Variants in RABL3 observed in about 807,000 individuals in gnomAD.
The protein encoded by RABL3 is rab-like protein 3.
In RABL3, 31 loss-of-function variants were observed where a neutral mutation model predicts 31.8. The observed-to-expected ratio is 0.97, with a 90% CI of 0.73 to 1.31. The LOEUF (loss-of-function observed/expected upper bound fraction) is 1.31, where lower values mean the gene tolerates loss of function less well. Among genes scored for constraint, RABL3 ranks in the 40% most tolerant of loss-of-function variants. The pLI, the probability that RABL3 is intolerant of heterozygous loss-of-function variation, is 0.00. For missense variants in RABL3, 263 were observed against 279.6 expected (o/e 0.94, Z 0.42); for synonymous variants, 97 against 99.9 (o/e 0.97, Z 0.18).
intron 2 of RABL3, among the ~76,000 whole-genome samples, chr3:120,718,641 G>A (rs750388836): frequency 3.9e-5 from 6 of 152,194 alleles, no homozygotes; most frequent in Non-Finnish European, 7.3e-5. Context: ...TGGGGGCAAG[G>A]CCCAAGAATC....
chr3:120,725,880 T>C (rs6782272), intron 2 of RABL3, among the ~76,000 whole-genome samples: 2 of 152,164 alleles, frequency 1.3e-5, no homozygotes, highest in African/African-American at 2.4e-5. Flanking sequence ...CACACCAACA[T>C]GGCACATGTA....
Position 120,687,937 on chromosome 3 carries a change from C to T in RABL3, c.*1886G>A, listed in dbSNP as rs1431897471. On this transcript the variant is annotated 3_prime_UTR_variant, in exon 8 of 8. Transcript: ENST00000273375. ...TCAGCCTCCCAAGTAGCTGGGATTA[C>T]AGGCGCGTGCCACCAGGCCTGGCTA... is the stretch of plus-strand genomic sequence containing the variant. 1 of 152,016 alleles carries T rather than the reference C, an allele frequency of 6.6e-6. No individual in the cohort carries two copies. The highest frequency in any genetic ancestry group is 1.5e-5 in the Non-Finnish European group (1 of 68,004). 9.4% of individuals were successfully genotyped at this position (152,016 alleles called of 1,614,324 possible).
chr3:120,698,449 C>A lies in RABL3; in HGVS notation c.508G>T (p.Asp170Tyr). Residue 170 changes from aspartate (D) to tyrosine (Y), a missense_variant, in exon 5 of 8, where the codon GAT becomes TAT. Physicochemically the swap from Asp to Tyr is radical, Grantham distance 160. Transcript: ENST00000273375. ...AAATTAATTTCTTCTGGATTGAAAT[C>A]CTCAGCCAGGAAAGCAGTCCTAGTT... ...VLTRTAFLAE[D>Y]FNPEEINLDC... 4 of 1,613,630 alleles carry A rather than the reference C, an allele frequency of 2.5e-6. No individual in the cohort carries two copies. The highest frequency in any genetic ancestry group is 3.4e-6 in the Non-Finnish European group (4 of 1,179,850).
chr3:120,709,779 C>T lies in RABL3; in HGVS notation c.268+1G>A. Reference sequence around the variant, plus strand: ...AAGATAGAAATTTAAAAATGTTTTACCATTTACGGAGTTGTAGAATACTGC... The same window carrying T: ...AAGATAGAAATTTAAAAATGTTTTATCATTTACGGAGTTGTAGAATACTGC... On this transcript the variant is annotated splice_donor_variant, in intron 3 of 7. Transcript: ENST00000273375. LOFTEE classifies it high-confidence loss of function. 6.2e-7 allele frequency: 1 copy of T among 1,604,796 alleles called. No homozygotes were observed. Among genetic ancestry groups the T allele is most frequent in the South Asian group, 1.1e-5 (1 of 89,800 alleles).
intron 1 of RABL3, among the ~76,000 whole-genome samples, chr3:120,731,594 A>T (rs1343319459): frequency 6.6e-6 from 1 of 152,226 alleles, no homozygotes; most frequent in Non-Finnish European, 1.5e-5. Context: ...GGAGTCACTC[A>T]TTCATTTAAC....
chr3:120,702,757 C>T (rs1211571755), intron 4 of RABL3, among the ~76,000 whole-genome samples: 8 of 152,040 alleles, frequency 5.3e-5, no homozygotes. Context: ...CAGGGTTTCA[C>T]CATGTTAGCC....
rs552554148 is a variant in RABL3 at position 120,739,162 on chromosome 3, A to C, written c.46+3300T>G. Among the ~76,000 whole-genome samples the C allele has an allele frequency of 2.4e-3, 366 of 152,254 alleles. 3 individuals are homozygous for C. Among genetic ancestry groups the C allele is most frequent in the African/African-American group, 8.0e-3 (334 of 41,552 alleles). ...GGGAGGCTGAGGCAGGCAGATCACG[A>C]GGTCAGGAGTTCGAGACCAGCCTGG... On this transcript the variant is annotated intron_variant, in intron 1 of 7. Transcript: ENST00000273375.
intron 5 of RABL3, among the ~76,000 whole-genome samples, chr3:120,695,242 A>G (rs1708425101): frequency 2.0e-5 from 3 of 152,132 alleles, no homozygotes; most frequent in Admixed American, 1.3e-4. Context: ...CAAGGCTCAC[A>G]CTTTAAATTT....
intron 4 of RABL3, among the ~76,000 whole-genome samples, chr3:120,701,123 C>G (rs1708487589): frequency 1.3e-5 from 2 of 151,942 alleles, no homozygotes; most frequent in Admixed American, 1.3e-4. Flanking sequence ...TCTTTTCTTT[C>G]TTATACAATA....
intron 1 of RABL3, 136 bp downstream of exon 1, chr3:120,742,326 A>C: frequency 1.3e-6 from 1 of 790,886 alleles, no homozygotes. Flanking sequence ...TCCCCTGGGA[A>C]GTGTAGTCTT....
intron 5 of RABL3, among the ~76,000 whole-genome samples, chr3:120,696,747 A>T (rs1708442495): frequency 6.6e-6 from 1 of 152,210 alleles, no homozygotes. Context: ...TTTGGAAATA[A>T]TGTTCAAAGT....
intron 2 of RABL3, among the ~76,000 whole-genome samples, chr3:120,719,581 C>T (rs1056966635): frequency 6.6e-6 from 1 of 152,230 alleles, no homozygotes; most frequent in Non-Finnish European, 1.5e-5. Flanking sequence ...GGGTCCTACG[C>T]CCACGAAGCC....
chr3:120,719,511 C>A (rs924338998), intron 2 of RABL3, among the ~76,000 whole-genome samples: 9 of 152,360 alleles, frequency 5.9e-5, no homozygotes, highest in Admixed American at 3.3e-4. Flanking sequence ...TAATACTGCG[C>A]TTTTCCAACG....
At chr3:120,702,863 G>T (rs1708509760) in intron 4 of RABL3, among the ~76,000 whole-genome samples, 1 of 152,116 alleles carries the variant, frequency 6.6e-6, no homozygotes, top group Admixed American at 6.5e-5. Flanking sequence ...GGCCCAGAAG[G>T]GAAATTTTTC....
intron 2 of RABL3, among the ~76,000 whole-genome samples, chr3:120,717,880 A>G (rs1219276971): frequency 2.6e-5 from 4 of 152,188 alleles, no homozygotes; most frequent in African/African-American, 9.7e-5. Flanking sequence ...ACTTTGCACA[A>G]AAGCATTCCT....
At chr3:120,707,400 G>A (rs1031341989) in intron 3 of RABL3, among the ~76,000 whole-genome samples, 3 of 152,058 alleles carry the variant, frequency 2.0e-5, no homozygotes, top group Non-Finnish European at 4.4e-5. Context: ...AAAGACTACA[G>A]CTAATATTTA....
intron 5 of RABL3, among the ~76,000 whole-genome samples, chr3:120,697,518 G>GT (rs1708450222): frequency 6.6e-6 from 1 of 152,194 alleles, no homozygotes; most frequent in African/African-American, 2.4e-5. Context: ...AATCCTATTT[G>GT]TGAACAACAT....
intron 1 of RABL3, among the ~76,000 whole-genome samples, chr3:120,734,283 T>C (rs530201388): frequency 6.6e-6 from 1 of 152,338 alleles, no homozygotes; most frequent in South Asian, 2.1e-4. Context: ...GTTGGATTCC[T>C]AGGTATTTTA....
In RABL3 at chr3:120,742,463, T is replaced by A. The variant is rs776158463; in HGVS notation, c.45A>T (p.Ser15=). The A allele has an allele frequency of 3.1e-6, 5 of 1,614,118 alleles. No individual in the cohort carries two copies. Among genetic ancestry groups the A allele is most frequent in the Non-Finnish European group, 4.2e-6 (5 of 1,179,954 alleles). ...CCAGAGGTAGGGTAAGCCGCTCACC[T>A]GAGTCTCCCAACACCAGTACCTTCA... The part of the protein sequence containing the change: ...DRVKVLVLGD[S]GVGKSSLVHL... The change falls in exon 1 of 8, where the codon TCA becomes TCT. Residue 15 remains serine, a splice_region_variant and synonymous_variant. Transcript: ENST00000273375.
Sources: allele counts gnomAD v4.1 joint callset (sites outside exome capture counted in the v4.1 genomes callset), GRCh38; gene constraint gnomAD v4.1.1; transcripts MANE v1.5; gene names NCBI Gene and HGNC (gene_info 2026-07-23, HGNC 2026-07-21).